The following SVEP1 variants were observed in gnomAD, a reference collection of about 807,000 sequenced individuals.
SVEP1 encodes the protein sushi, von Willebrand factor type A, EGF and pentraxin domain containing 1, also known as sushi, von Willebrand factor type A, EGF and pentraxin domain-containing protein 1.
Under a neutral mutation model 367.3 loss-of-function variants are expected in SVEP1, and 164 were observed. That is an observed-to-expected ratio of 0.45 (90% CI 0.39 to 0.51). SVEP1 has a LOEUF of 0.51. Among genes scored for constraint, SVEP1 ranks in the 20% least tolerant of loss-of-function variants. The pLI is 0.00. For synonymous variants in SVEP1, 1,666 were observed against 1,611.6 expected (o/e 1.03, Z -0.81); for missense variants, 4,117 against 4,425.3 (o/e 0.93, Z 1.98).
At chr9:110,390,334 C>T (rs769252487) in intron 40 of SVEP1, among the ~76,000 whole-genome samples, 6,818 of 24,432 alleles carry the variant, frequency 0.28, 1,166 homozygotes, top group Middle Eastern at 0.47. Context: ...CTTATATATA[C>T]ACATACTTAT....
At chr9:110,530,348 C>G (rs1830001344) in intron 3 of SVEP1, among the ~76,000 whole-genome samples, 1 of 152,064 alleles carries the variant, frequency 6.6e-6, no homozygotes, top group African/African-American at 2.4e-5. Flanking sequence ...ATCCTGGTCA[C>G]TACAGAGACA....
At position 110,450,048 on chromosome 9, in the gene SVEP1, T is replaced by C; in HGVS notation, c.4103+11A>G. ...TAAAAACAGTGAAAAGAATCAGACT[T>C]AGCCTTTTACCTGAAGCTATTGGCA... On this transcript the variant is annotated intron_variant, in intron 24 of 47. Coordinates refer to ENST00000374469, the MANE Select transcript of SVEP1 (RefSeq NM_153366.4). The C allele has an allele frequency of 1.2e-6, 2 of 1,613,612 alleles. No individual in the cohort carries two copies. Among genetic ancestry groups the C allele is most frequent in the Non-Finnish European group, 1.7e-6 (2 of 1,179,628 alleles).
At chr9:110,559,641 T>G (rs558637252) in intron 1 of SVEP1, among the ~76,000 whole-genome samples, 1 of 152,148 alleles carries the variant, frequency 6.6e-6, no homozygotes, top group African/African-American at 2.4e-5. Flanking sequence ...TGGAGGACGG[T>G]TTGACAAAGT....
intron 39 of SVEP1, among the ~76,000 whole-genome samples, chr9:110,403,247 G>A (rs1029609317): frequency 1.4e-5 from 2 of 145,710 alleles, no homozygotes; most frequent in Non-Finnish European, 3.0e-5. Context: ...AAGGGGATGG[G>A]CTAGGAAAGT....
At chr9:110,446,301 C>T (rs7851366) in intron 25 of SVEP1, among the ~76,000 whole-genome samples, 126,434 of 152,212 alleles carry the variant, frequency 0.83, 52,608 homozygotes, top group East Asian at 0.96. Flanking sequence ...AGAGGTGAAA[C>T]TGAAATGCTA....
chr9:110,435,870 A>G (rs1828423303), intron 28 of SVEP1, among the ~76,000 whole-genome samples: 1 of 152,176 alleles, frequency 6.6e-6, no homozygotes, highest in African/African-American at 2.4e-5. Flanking sequence ...TCTTTTATAG[A>G]TAAGAAAACT....
Position 110,366,513 on chromosome 9 carries a change from G to C in SVEP1, c.*26C>G. On this transcript the variant is annotated 3_prime_UTR_variant, in exon 48 of 48. Coordinates refer to ENST00000374469, the MANE Select transcript of SVEP1 (RefSeq NM_153366.4). ...ACCGAGGAGAGATGATCCTGCTTTT[G>C]GGAGAGCCAGATGGTCGTGCAGTGG... 1 of 1,547,114 alleles carries C rather than the reference G, an allele frequency of 6.5e-7. No homozygotes were observed. Among genetic ancestry groups the C allele is most frequent in the South Asian group, 1.2e-5 (1 of 80,420 alleles).
In SVEP1 at chr9:110,513,187, G is replaced by T. The variant is rs987942047; in HGVS notation, c.1124-82C>A. ...TCCTTTTTTTTTTTTCTTTCAAGGG[G>T]GCATTTATGCATATGTGTCAATTGC... is the stretch of plus-strand genomic sequence containing the variant. On this transcript the variant is annotated intron_variant, in intron 4 of 47. Coordinates refer to ENST00000374469, the MANE Select transcript of SVEP1 (RefSeq NM_153366.4). The T allele has an allele frequency of 2.1e-4, 277 of 1,301,196 alleles. 1 individual carries two copies. Among genetic ancestry groups the T allele is most frequent in the Non-Finnish European group, 2.2e-4 (209 of 957,830 alleles). 80.6% of individuals were successfully genotyped at this position (1,301,196 alleles called of 1,614,324 possible). A position where few individuals can be genotyped will look rare whatever the true frequency, so the allele number is the denominator to read the frequency against.
Position 110,565,530 on chromosome 9 carries a change from G to A in SVEP1, c.531+13483C>T, listed in dbSNP as rs553238987. On this transcript the variant is annotated intron_variant, in intron 1 of 47. Coordinates refer to ENST00000374469, the MANE Select transcript of SVEP1 (RefSeq NM_153366.4). The stretch of plus-strand genomic sequence containing the variant: ...TGCCTCAGTGGCTTGGTCTCTGCAA[G>A]GACTGGTAGAAATATCTGTTAAAGT... Among the ~76,000 whole-genome samples, 11 of 152,292 alleles carry A rather than the reference G, an allele frequency of 7.2e-5. No individual in the cohort carries two copies. In the South Asian group the frequency reaches 2.3e-3, roughly 32 times the overall value.
intron 18 of SVEP1, among the ~76,000 whole-genome samples, chr9:110,460,301 T>C (rs187187837): frequency 4.2e-4 from 61 of 143,868 alleles, no homozygotes; most frequent in African/African-American, 1.6e-3. Context: ...GAATTTTGAG[T>C]TTTTTTGTTC....
intron 40 of SVEP1, among the ~76,000 whole-genome samples, chr9:110,392,752 A>G (rs1313965625): frequency 6.6e-6 from 1 of 152,142 alleles, no homozygotes; most frequent in African/African-American, 2.4e-5. Flanking sequence ...TAAAAGTATC[A>G]TTATAAGCCT....
intron 38 of SVEP1, 108 bp downstream of exon 38, chr9:110,406,052 C>A: frequency 4.4e-6 from 6 of 1,355,476 alleles, no homozygotes; most frequent in Non-Finnish European, 5.8e-6. Context: ...GTTTGGAGAG[C>A]AGTTCAGAGA....
intron 18 of SVEP1, 28 bp downstream of exon 18, chr9:110,465,832 TAAAGA>T (rs755209536): frequency 1.6e-5 from 25 of 1,600,244 alleles, no homozygotes; most frequent in Non-Finnish European, 2.1e-5. Flanking sequence ...CTAGTAGGTT[TAAAGA>T]AATATCAATG....
rs959000980 is a variant in SVEP1 at position 110,366,246 on chromosome 9, A to G, written c.*293T>C. On this transcript the variant is annotated 3_prime_UTR_variant, in exon 48 of 48. Transcript: ENST00000374469. ...AACTGAATAAAAATGTGTACCAGGA[A>G]CTTTCCCAATAGACAGCAGAATATG... 9.4e-6 allele frequency: 3 copies of G among 320,256 alleles called. No individual in the cohort carries two copies. The highest frequency in any genetic ancestry group is 4.9e-5 in the East Asian group (1 of 20,250). 19.8% of individuals were successfully genotyped at this position (320,256 alleles called of 1,614,324 possible). A position where few individuals can be genotyped will look rare whatever the true frequency, so the allele number is the denominator to read the frequency against.
chr9:110,530,161 T>C (rs1172788462), intron 3 of SVEP1, among the ~76,000 whole-genome samples: 1 of 152,204 alleles, frequency 6.6e-6, no homozygotes, highest in East Asian at 1.9e-4. Context: ...ATCATATTTA[T>C]TGAATTATGT....
chr9:110,379,536 A>G lies in SVEP1; in HGVS notation c.10238-19T>C. ...GAGATTTCTACAGGATAACAAAACA[A>G]CAATTAAGCTTGTGCTATTAACACA... On this transcript the variant is annotated intron_variant, in intron 43 of 47. Transcript: ENST00000374469. The G allele has an allele frequency of 6.2e-7, 1 of 1,612,646 alleles. No individual in the cohort carries two copies.
intron 3 of SVEP1, among the ~76,000 whole-genome samples, chr9:110,534,097 G>A (rs966449339): frequency 2.0e-5 from 3 of 152,000 alleles, no homozygotes; most frequent in African/African-American, 7.3e-5. Flanking sequence ...CATCATGGGG[G>A]TTTATTATAC....
rs774515902 is a variant in SVEP1, at chr9:110,513,072, T to C, written c.1157A>G (p.Asn386Ser). Residue 386 changes from asparagine to serine, a missense_variant, in exon 5 of 48, where the codon AAT becomes AGT. Asn to Ser is a conservative substitution (Grantham distance 46). Around this residue, in one of 4 missense-constraint regions of SVEP1, gnomAD observed 2,174 missense variants for 2,494.3 expected, o/e 0.87. Transcript: ENST00000374469. Reference sequence around the variant, plus strand: ...GCAAGTGTTTTGGATAAAGTAACCATTTTCGGGAGGCTTCAGGGCAGGGCA... The same window carrying C: ...GCAAGTGTTTTGGATAAAGTAACCACTTTCGGGAGGCTTCAGGGCAGGGCA... ...VHCPALKPPE[N>S]GYFIQNTCNN... The C allele has an allele frequency of 1.2e-6, 2 of 1,613,902 alleles. No homozygotes were observed. The highest frequency in any genetic ancestry group is 2.2e-5 in the South Asian group (2 of 91,074).
chr9:110,460,220 T>C (rs908844345), intron 18 of SVEP1, among the ~76,000 whole-genome samples: 2 of 152,214 alleles, frequency 1.3e-5, no homozygotes, highest in Non-Finnish European at 2.9e-5. Context: ...TGGAATATGC[T>C]TTAATTAATT....
Sources: gnomAD v4.1 joint callset for allele counts (sites outside exome capture counted in the v4.1 genomes callset) on GRCh38, gnomAD v4.1.1 for gene constraint, gnomAD v4.1.1 regional missense constraint, MANE v1.5 for transcripts, NCBI Gene and HGNC (gene_info 2026-07-23, HGNC 2026-07-21) for gene names.